Variants in IL1RAPL1 observed in about 807,000 individuals in gnomAD.
The protein encoded by IL1RAPL1 is interleukin-1 receptor accessory protein-like 1.
A neutral mutation model predicts 48.4 loss-of-function variants in IL1RAPL1; 3 were observed. The observed-to-expected ratio is 0.06, with a 90% confidence interval of 0.03 to 0.16. The LOEUF (loss-of-function observed/expected upper bound fraction) is 0.16. Ranked by LOEUF, IL1RAPL1 falls within the 10% of genes least tolerant of loss-of-function variation. The pLI is 1.00. For synonymous variants in IL1RAPL1, 185 were observed against 187.7 expected, an observed-to-expected ratio of 0.99 and a Z score of 0.12; for missense variants, 349 against 530.6, an observed-to-expected ratio of 0.66 and a Z score of 3.36.
At chrX:29,698,145 A>G (rs927945822) in intron 6 of IL1RAPL1, among the ~76,000 whole-genome samples, 1 of 105,608 alleles carries the variant, frequency 9.5e-6, no homozygotes, top group African/African-American at 3.5e-5. Context: ...GCTTTCACAC[A>G]TGGTCTTTAC....
At chrX:28,725,504 TGGGATA>T (rs1219184844) in intron 1 of IL1RAPL1, among the ~76,000 whole-genome samples, 1 of 112,046 alleles carries the variant, frequency 8.9e-6, no homozygotes, top group Non-Finnish European at 1.9e-5. Flanking sequence ...GGTCAAGGCA[TGGGATA>T]GGGATTGTAT....
At chrX:28,930,063 C>A (rs904256423) in intron 2 of IL1RAPL1, among the ~76,000 whole-genome samples, 2 of 111,825 alleles carry the variant, frequency 1.8e-5, no homozygotes, top group Non-Finnish European at 3.8e-5. Context: ...TACACAAGAC[C>A]TTCTGTCCAT....
chrX:29,261,139 G>T (rs1931851422), intron 2 of IL1RAPL1, among the ~76,000 whole-genome samples: 1 of 109,624 alleles, frequency 9.1e-6, no homozygotes, highest in Non-Finnish European at 1.9e-5. Context: ...AATCATTAAA[G>T]TACCCTAAAC....
chrX:29,560,128 TCTC>T (rs1922139969), intron 5 of IL1RAPL1, among the ~76,000 whole-genome samples: 1 of 112,006 alleles, frequency 8.9e-6, no homozygotes, highest in African/African-American at 3.2e-5. Context: ...ACAAAGTCTA[TCTC>T]CTCTTCATTT....
intron 3 of IL1RAPL1, among the ~76,000 whole-genome samples, chrX:29,394,950 C>T (rs1042311215): frequency 1.8e-5 from 2 of 112,087 alleles, no homozygotes; most frequent in Admixed American, 9.5e-5. Context: ...TGGACATTCT[C>T]ACTGTGTCAT....
intron 3 of IL1RAPL1, among the ~76,000 whole-genome samples, chrX:29,324,987 T>C (rs1023943886): frequency 2.7e-5 from 3 of 112,217 alleles, no homozygotes; most frequent in African/African-American, 9.7e-5. Context: ...ATCATTATTA[T>C]TGGGTTTAAC....
chrX:28,697,977 C>G (rs1465038638), intron 1 of IL1RAPL1, among the ~76,000 whole-genome samples: 1 of 111,244 alleles, frequency 9.0e-6, no homozygotes, highest in Admixed American at 9.7e-5. Context: ...CCAATGATCT[C>G]CAAAGCCTTT....
chrX:28,697,024 A>T (rs1935239796), intron 1 of IL1RAPL1, among the ~76,000 whole-genome samples: 2 of 111,959 alleles, frequency 1.8e-5, no homozygotes, highest in African/African-American at 6.5e-5. Flanking sequence ...GCTTTAAAAG[A>T]AGAAAAGATG....
At chrX:29,122,409 TCACACACACACACACACACACA>T in intron 2 of IL1RAPL1, among the ~76,000 whole-genome samples, 1 of 64,571 alleles carries the variant, frequency 1.5e-5, no homozygotes, top group Non-Finnish European at 2.6e-5. Flanking sequence ...TCTCTCTCTC[TCACACACACACACACACACACA>T]CACACACACA....
intron 2 of IL1RAPL1, among the ~76,000 whole-genome samples, chrX:28,815,470 TA>T (rs1462422520): frequency 9.1e-6 from 1 of 109,692 alleles, no homozygotes; most frequent in Admixed American, 9.8e-5. Flanking sequence ...ACATTAGCAT[TA>T]TTCTTCTCTA....
chrX:29,312,158 G>A (rs778461517), intron 3 of IL1RAPL1, among the ~76,000 whole-genome samples: 1 of 111,682 alleles, frequency 9.0e-6, no homozygotes, highest in South Asian at 3.8e-4. Context: ...AGAGGTCCCC[G>A]GCCAGGCGTG....
chrX:29,209,275 GTGTTT>G (rs1286123583), intron 2 of IL1RAPL1, among the ~76,000 whole-genome samples: 2 of 112,062 alleles, frequency 1.8e-5, no homozygotes, highest in African/African-American at 6.5e-5. Flanking sequence ...TACAAACATT[GTGTTT>G]TAAGTATAAA....
intron 5 of IL1RAPL1, among the ~76,000 whole-genome samples, chrX:29,554,977 C>T (rs1163733257): frequency 4.5e-5 from 5 of 112,195 alleles, no homozygotes; most frequent in African/African-American, 1.6e-4. Flanking sequence ...ATTGAAATAA[C>T]CTTTTGCTGC....
intron 2 of IL1RAPL1, among the ~76,000 whole-genome samples, chrX:29,089,033 A>G (rs150825057): frequency 0.095 from 10,536 of 110,848 alleles, 467 homozygotes; most frequent in Non-Finnish European, 0.14. Context: ...ATTGATTTTG[A>G]TGCCTTTTGT....
chrX:29,555,679 T>C (rs1407527860), intron 5 of IL1RAPL1, among the ~76,000 whole-genome samples: 1 of 112,097 alleles, frequency 8.9e-6, no homozygotes, highest in Admixed American at 9.4e-5. Context: ...AGATTAGCTC[T>C]ATAATGAGTC....
intron 6 of IL1RAPL1, among the ~76,000 whole-genome samples, chrX:29,887,659 A>T (rs1186743093): frequency 4.7e-5 from 5 of 106,285 alleles, no homozygotes; most frequent in African/African-American, 1.0e-4. Context: ...GTTTATTTTC[A>T]TTTTTTTTTT....
At chrX:28,964,142 A>C (rs1377158729) in intron 2 of IL1RAPL1, among the ~76,000 whole-genome samples, 1 of 111,461 alleles carries the variant, frequency 9.0e-6, no homozygotes, top group African/African-American at 3.3e-5. Flanking sequence ...AGTGGTTAAA[A>C]ATTCATCAGT....
chrX:29,184,937 C>T (rs1440522255), intron 2 of IL1RAPL1, among the ~76,000 whole-genome samples: 1 of 112,032 alleles, frequency 8.9e-6, no homozygotes, highest in African/African-American at 3.2e-5. Flanking sequence ...TATTAGTACA[C>T]TGGACTTGTC....
At chrX:29,186,800 T>C (rs1369348304) in intron 2 of IL1RAPL1, among the ~76,000 whole-genome samples, 2 of 111,875 alleles carry the variant, frequency 1.8e-5, no homozygotes, top group Non-Finnish European at 3.8e-5. Flanking sequence ...TAAAAAGGTA[T>C]GTACATTTCA....
Sources: gnomAD v4.1 joint callset for allele counts (sites outside exome capture counted in the v4.1 genomes callset) on GRCh38, gnomAD v4.1.1 for gene constraint, MANE v1.5 for transcripts, NCBI Gene and HGNC (gene_info 2026-07-23, HGNC 2026-07-21) for gene names.